Variants in SPATS1 observed in about 807,000 individuals in gnomAD.
SPATS1 encodes spermatogenesis associated serine rich 1.
In SPATS1, 23 loss-of-function variants were observed where a neutral mutation model predicts 33.6. The ratio of observed to expected loss-of-function variants is 0.68; its 90% CI spans 0.49 to 0.97. The LOEUF (loss-of-function observed/expected upper bound fraction) is 0.97. Ranked by LOEUF, SPATS1 falls within the 50% of genes least tolerant of loss-of-function variation. The pLI is 0.00. For synonymous variants in SPATS1, 131 were observed against 125.6 expected (o/e 1.04, Z -0.29); for missense variants, 327 against 361.0 (o/e 0.91, Z 0.76).
intron 2 of SPATS1, among the ~76,000 whole-genome samples, chr6:44,351,122 CAAAAAA>C (rs34139961): frequency 1.1e-4 from 8 of 75,514 alleles, no homozygotes; most frequent in East Asian, 3.5e-4. Flanking sequence ...GACTCTGTGT[CAAAAAA>C]AAAAAAAAAA....
chr6:44,361,897 T>A lies in SPATS1; in HGVS notation c.479T>A (p.Val160Asp). 1 of 1,614,210 alleles carries A rather than the reference T, an allele frequency of 6.2e-7. No individual in the cohort carries two copies. The highest frequency in any genetic ancestry group is 8.5e-7 in the Non-Finnish European group (1 of 1,180,036). Residue 160 changes from valine (V) to aspartate (D), a missense_variant, in exon 5 of 9, where the codon GTC (valine) becomes GAC (aspartate). Val to Asp is a radical substitution (Grantham distance 152, BLOSUM62 -3). Coordinates refer to ENST00000674044, the MANE Select transcript of SPATS1 (RefSeq NM_001372081.1). ...RFSSNIHTYH[V>D]GKQCFFNGVF... ...AGCAGCAACATCCACACCTACCACG[T>A]CGGAAAGCAGTGCTTCTTTAATGGA...
chr6:44,343,206 T>G lies in SPATS1; in HGVS notation c.111T>G (p.Ser37=). 1 of 1,613,470 alleles carries G rather than the reference T, an allele frequency of 6.2e-7. No homozygotes were observed. The highest frequency in any genetic ancestry group is 8.5e-7 in the Non-Finnish European group (1 of 1,179,896). The part of the protein sequence containing the change: ...QLEKVPEKRD[S]GMTEVERTYS... ...AGAAGGTTCCAGAAAAAAGGGACTC[T>G]GGCATGACCGAGGTGGAGAGGACCT... Residue 37 remains serine (S), a synonymous_variant, in exon 2 of 9, where the codon TCT becomes TCG. Transcript: ENST00000674044.
intron 2 of SPATS1, among the ~76,000 whole-genome samples, chr6:44,348,960 G>A (rs1016903369): frequency 1.1e-4 from 16 of 152,234 alleles, no homozygotes; most frequent in African/African-American, 2.6e-4. Flanking sequence ...GTGAAACCCC[G>A]TCTCTACTAA....
At chr6:44,355,530 G>A (rs985104580) in intron 3 of SPATS1, among the ~76,000 whole-genome samples, 10 of 152,186 alleles carry the variant, frequency 6.6e-5, no homozygotes, top group Admixed American at 1.3e-4. Flanking sequence ...CAGATGAATA[G>A]ACCACAATCT....
intron 5 of SPATS1, 30 bp from the exon 6 acceptor site, chr6:44,368,349 T>A (rs1789371506): frequency 1.2e-6 from 2 of 1,608,940 alleles, no homozygotes; most frequent in Non-Finnish European, 1.7e-6. Context: ...TCAGCCCTTG[T>A]ATGATTTTGT....
intron 2 of SPATS1, among the ~76,000 whole-genome samples, chr6:44,345,957 C>A (rs942641260): frequency 1.3e-5 from 2 of 152,118 alleles, no homozygotes; most frequent in Non-Finnish European, 2.9e-5. Flanking sequence ...AAACGGATAA[C>A]AAATAATGGC....
intron 5 of SPATS1, among the ~76,000 whole-genome samples, chr6:44,362,742 TTTTA>T (rs558657522): frequency 6.5e-4 from 99 of 152,328 alleles, no homozygotes; most frequent in African/African-American, 2.0e-3. Flanking sequence ...GAATTGAGGC[TTTTA>T]TTTATTTGGG....
chr6:44,351,136 A>G (rs1788214005), intron 2 of SPATS1, among the ~76,000 whole-genome samples: 2 of 150,560 alleles, frequency 1.3e-5, no homozygotes, highest in Admixed American at 6.6e-5. Context: ...AAAAAAAAAA[A>G]AAAAAAAAGA....
At position 44,360,450 on chromosome 6, in the gene SPATS1, A is replaced by G. The variant is rs1292041208; in HGVS notation, c.292A>G (p.Thr98Ala). 2 of 1,613,980 alleles carry G rather than the reference A, an allele frequency of 1.2e-6. No individual in the cohort carries two copies. Among genetic ancestry groups the G allele is most frequent in the Non-Finnish European group, 1.7e-6 (2 of 1,180,022 alleles). The stretch of plus-strand genomic sequence containing the variant: ...ATCCTTCTGCTTTCTTTCCAGCACC[A>G]CTGCTGACTTGGATCGGAAACTCTC... ...LPRVSAYVDT[T>A]ADLDRKLSFS... is the part of the protein sequence containing the mutation. The change falls in exon 4 of 9, where the codon ACT (threonine) becomes GCT (alanine). Residue 98 changes from threonine (T) to alanine (A), a missense_variant. Thr to Ala is a moderately conservative substitution (Grantham distance 58, BLOSUM62 0). Coordinates refer to ENST00000674044, the MANE Select transcript of SPATS1 (RefSeq NM_001372081.1).
intron 2 of SPATS1, among the ~76,000 whole-genome samples, chr6:44,346,659 C>T (rs995708813): frequency 5.3e-5 from 8 of 152,222 alleles, no homozygotes; most frequent in Non-Finnish European, 1.2e-4. Flanking sequence ...GCTGAGATTG[C>T]AGGCATAAGC....
intron 7 of SPATS1, among the ~76,000 whole-genome samples, chr6:44,375,174 C>T (rs1583097837): frequency 1.3e-5 from 2 of 152,310 alleles, no homozygotes; most frequent in Admixed American, 1.3e-4. Context: ...AAACAGAAAG[C>T]ACACTCAGCT....
In SPATS1 at chr6:44,379,599, CAAAAAAAAAAAAAAAAAAAA is replaced by C. The variant is rs55976441; in HGVS notation, c.*2545_*2564del. Among the ~76,000 whole-genome samples, 1 of 54,742 alleles carries C rather than the reference CAAAAAAAAAAAAAAAAAAAA, an allele frequency of 1.8e-5. No individual in the cohort carries two copies. Among genetic ancestry groups the C allele is most frequent in the East Asian group, 5.6e-4 (1 of 1,800 alleles). 35.9% of individuals were successfully genotyped at this position (54,742 alleles called of 152,430 possible). On this transcript the variant is annotated 3_prime_UTR_variant, in exon 9 of 9. Transcript: ENST00000674044. Reference sequence around the variant, plus strand: ...TGGGCAACAGAGTGAGACTCTGTCTCAAAAAAAAAAAAAAAAAAAAAAAAAAAAGAAAGAAAGAAAGAAAG... The same window carrying C: ...TGGGCAACAGAGTGAGACTCTGTCTCAAAAAAAAGAAAGAAAGAAAGAAAG...
At position 44,378,057 on chromosome 6, in the gene SPATS1, A is replaced by G. The variant is rs1790051387; in HGVS notation, c.*994A>G. ...CATGTCAGAAAAACATGAAGGCTGG[A>G]TCTATACCAGGTAAGTAATACTATT... is the stretch of plus-strand genomic sequence containing the variant. On this transcript the variant is annotated 3_prime_UTR_variant, in exon 9 of 9. Transcript: ENST00000674044. 6.6e-6 allele frequency: 1 copy of G among 152,162 alleles called. No individual in the cohort carries two copies. Among genetic ancestry groups the G allele is most frequent in the African/African-American group, 2.4e-5 (1 of 41,442 alleles). The allele number at this position is 152,162 out of a possible 1,614,324, so 9.4% of individuals were successfully genotyped here.
intron 2 of SPATS1, among the ~76,000 whole-genome samples, chr6:44,351,760 G>C (rs570928090): frequency 3.9e-5 from 6 of 152,236 alleles, no homozygotes; most frequent in Admixed American, 1.3e-4. Context: ...GTGGGTGGTT[G>C]GGGAGTTATA....
chr6:44,371,166 G>A (rs894098151), intron 7 of SPATS1, among the ~76,000 whole-genome samples: 6 of 151,930 alleles, frequency 3.9e-5, no homozygotes, highest in Non-Finnish European at 7.4e-5. Flanking sequence ...AGGCATAGTG[G>A]TATGCAACTG....
At chr6:44,373,153 C>T (rs1789728342) in intron 7 of SPATS1, among the ~76,000 whole-genome samples, 1 of 152,226 alleles carries the variant, frequency 6.6e-6, no homozygotes, top group African/African-American at 2.4e-5. Flanking sequence ...CCCCAGAACT[C>T]TGCCCTGCAG....
intron 6 of SPATS1, among the ~76,000 whole-genome samples, chr6:44,369,185 T>G (rs767870045): frequency 6.6e-6 from 1 of 152,154 alleles, no homozygotes; most frequent in Admixed American, 6.5e-5. Flanking sequence ...GTACTACATT[T>G]AAAATATTAT....
At chr6:44,357,983 A>G (rs941688449) in intron 3 of SPATS1, among the ~76,000 whole-genome samples, 3 of 152,180 alleles carry the variant, frequency 2.0e-5, no homozygotes, top group African/African-American at 7.2e-5. Flanking sequence ...CTCATCTGCA[A>G]TTGGCAGAAA....
At chr6:44,356,039 A>T (rs553048289) in intron 3 of SPATS1, among the ~76,000 whole-genome samples, 9 of 152,352 alleles carry the variant, frequency 5.9e-5, no homozygotes, top group East Asian at 3.9e-4. Context: ...ACATAGCCTC[A>T]GGCTTTAGAT....
Sources: allele counts gnomAD v4.1 joint callset (sites outside exome capture counted in the v4.1 genomes callset), GRCh38; gene constraint gnomAD v4.1.1; transcripts MANE v1.5; gene names NCBI Gene and HGNC (gene_info 2026-07-23, HGNC 2026-07-21).